Variants in ADCY1 observed in about 807,000 individuals in gnomAD.
ADCY1 encodes adenylate cyclase 1, also known as adenylate cyclase type 1.
ADCY1 carries 28 observed loss-of-function variants against 105.4 expected under a neutral mutation model. The ratio of observed to expected loss-of-function variants is 0.27; its 90% CI spans 0.20 to 0.36. The LOEUF (loss-of-function observed/expected upper bound fraction) is 0.36. Among genes scored for constraint, ADCY1 ranks in the 10% least tolerant of loss-of-function variants. ADCY1 has a pLI of 1.00. For synonymous variants in ADCY1, 655 were observed against 623.8 expected, an observed-to-expected ratio of 1.05 and a Z score of -0.75; for missense variants, 977 against 1,434.2, an observed-to-expected ratio of 0.68 and a Z score of 5.15.
chr7:45,592,053 G>GTTT (rs202112937), intron 1 of ADCY1, among the ~76,000 whole-genome samples: 1 of 141,558 alleles, frequency 7.1e-6, no homozygotes, highest in Non-Finnish European at 1.6e-5. Flanking sequence ...TTCGTTTTTT[G>GTTT]TTTTTTTTTT....
intron 4 of ADCY1, among the ~76,000 whole-genome samples, chr7:45,635,603 T>G (rs1387665597): frequency 1.6e-5 from 2 of 125,380 alleles, no homozygotes; most frequent in Non-Finnish European, 3.4e-5. Flanking sequence ...TTTCTCTTGT[T>G]TTTTTTTTTT....
In ADCY1 at chr7:45,592,810, G is replaced by T; in HGVS notation, c.691G>T (p.Val231Leu). 1 of 1,614,218 alleles carries T rather than the reference G, an allele frequency of 6.2e-7. No homozygotes were observed. Among genetic ancestry groups the T allele is most frequent in the Non-Finnish European group, 8.5e-7 (1 of 1,180,044 alleles). ...CGGTGTGAACATGTATGGGGTCTTT[G>T]TGCGGATTCTGACTGAGCGTTCACA... ...FVGVNMYGVF[V>L]RILTERSQRK... The change falls in exon 2 of 20, where the codon GTG becomes TTG. Residue 231 changes from valine to leucine, a missense_variant. Val to Leu is a conservative substitution (Grantham distance 32, BLOSUM62 1). Transcript: ENST00000297323.
chr7:45,713,366 G>C (rs1785302104), intron 19 of ADCY1, among the ~76,000 whole-genome samples: 1 of 152,154 alleles, frequency 6.6e-6, no homozygotes, highest in South Asian at 2.1e-4. Flanking sequence ...GTGCTTCCTG[G>C]GCCACCCTTT....
intron 3 of ADCY1, among the ~76,000 whole-genome samples, chr7:45,616,966 A>G (rs1423705241): frequency 1.3e-5 from 2 of 152,214 alleles, no homozygotes; most frequent in Non-Finnish European, 1.5e-5. Flanking sequence ...AGGTGATGGT[A>G]GGGCACCTTG....
At position 45,622,731 on chromosome 7, in the gene ADCY1, T is replaced by G; in HGVS notation, c.1008T>G (p.Asp336Glu). 1 of 1,610,404 alleles carries G rather than the reference T, an allele frequency of 6.2e-7. No homozygotes were observed. The highest frequency in any genetic ancestry group is 1.6e-4 in the Middle Eastern group (1 of 6,062). Residue 336 changes from aspartate (D) to glutamate (E), a missense_variant, in exon 4 of 20, where the codon GAT becomes GAG. Physicochemically the swap from Asp to Glu is conservative, Grantham distance 45 (BLOSUM62 2). This residue lies in a region of ADCY1 where 196 missense variants were observed against 347.8 expected (regional missense o/e 0.56). Coordinates refer to ENST00000297323, the MANE Select transcript of ADCY1 (RefSeq NM_021116.4). Reference protein sequence around the residue: ...KLLNELFGKFDELATENHCRR... With the variant: ...KLLNELFGKFEELATENHCRR... ...TCAATGAGCTCTTCGGCAAGTTCGA[T>G]GAATTAGCCACGGTAAGTGCAGCGT... is the stretch of plus-strand genomic sequence containing the variant.
At chr7:45,628,367 G>T (rs1794125960) in intron 4 of ADCY1, among the ~76,000 whole-genome samples, 1 of 152,184 alleles carries the variant, frequency 6.6e-6, no homozygotes, top group South Asian at 2.1e-4. Flanking sequence ...CCATGCTCCT[G>T]CCCATGCTCT....
intron 3 of ADCY1, among the ~76,000 whole-genome samples, chr7:45,617,271 C>T (rs963903148): frequency 6.6e-6 from 1 of 152,324 alleles, no homozygotes; most frequent in South Asian, 2.1e-4. Flanking sequence ...TCTGTAGCCA[C>T]TGGCACTGGG....
chr7:45,656,561 G>A (rs1794950016), intron 5 of ADCY1, among the ~76,000 whole-genome samples: 1 of 152,160 alleles, frequency 6.6e-6, no homozygotes, highest in Admixed American at 6.5e-5. Flanking sequence ...ATGGGCAGCT[G>A]GCAAGGGTTT....
intron 4 of ADCY1, among the ~76,000 whole-genome samples, chr7:45,623,969 T>C (rs1222875044): frequency 2.6e-5 from 4 of 152,176 alleles, no homozygotes; most frequent in Non-Finnish European, 5.9e-5. Flanking sequence ...TCACCTCTTG[T>C]CTAGCCTCAC....
chr7:45,682,782 G>A (rs1784586521), intron 11 of ADCY1, among the ~76,000 whole-genome samples: 1 of 152,166 alleles, frequency 6.6e-6, no homozygotes, highest in Non-Finnish European at 1.5e-5. Context: ...AGGTGTGGAA[G>A]GTGGTAGGTG....
At chr7:45,704,897 G>A (rs549685669) in intron 17 of ADCY1, among the ~76,000 whole-genome samples, 73 of 143,660 alleles carry the variant, frequency 5.1e-4, no homozygotes, top group African/African-American at 1.7e-3. Flanking sequence ...ATTACCTCCC[G>A]CACTGGCCCA....
chr7:45,592,646 G>T, intron 1 of ADCY1, 113 bp from the exon 2 acceptor site: 2 of 1,462,774 alleles, frequency 1.4e-6, no homozygotes, highest in Non-Finnish European at 1.9e-6. Context: ...TGTGGGTTTG[G>T]CCCGGGCGGC....
At chr7:45,631,040 A>T (rs985821234) in intron 4 of ADCY1, among the ~76,000 whole-genome samples, 1 of 152,218 alleles carries the variant, frequency 6.6e-6, no homozygotes, top group Non-Finnish European at 1.5e-5. Context: ...GGAAAGTAAA[A>T]TAATAAAAGG....
At chr7:45,642,534 C>T (rs1197911234) in intron 4 of ADCY1, among the ~76,000 whole-genome samples, 1 of 152,146 alleles carries the variant, frequency 6.6e-6, no homozygotes, top group East Asian at 1.9e-4. Context: ...CTCCTCCTGC[C>T]CACTTGTTGG....
At chr7:45,611,429 G>A (rs1029433610) in intron 3 of ADCY1, among the ~76,000 whole-genome samples, 3 of 152,112 alleles carry the variant, frequency 2.0e-5, no homozygotes, top group African/African-American at 4.8e-5. Context: ...GCTTTGAGCA[G>A]TGACATTTTG....
At chr7:45,664,516 G>A in intron 8 of ADCY1, 1 of 1,375,278 alleles carries the variant, frequency 7.3e-7, no homozygotes, top group Non-Finnish European at 9.4e-7. Flanking sequence ...ATTGATTATG[G>A]AAAATATGGA....
chr7:45,682,160 C>T (rs1784570989), intron 11 of ADCY1, among the ~76,000 whole-genome samples: 1 of 152,170 alleles, frequency 6.6e-6, no homozygotes, highest in Non-Finnish European at 1.5e-5. Flanking sequence ...TGGCACAGCA[C>T]ACGCTCAGTT....
intron 2 of ADCY1, among the ~76,000 whole-genome samples, chr7:45,606,080 T>C (rs1753172582): frequency 6.6e-6 from 1 of 152,208 alleles, no homozygotes; most frequent in South Asian, 2.1e-4. Flanking sequence ...GGCTCCTTCT[T>C]ACTGCTGGGC....
chr7:45,618,897 A>C (rs543237748), intron 3 of ADCY1, among the ~76,000 whole-genome samples: 4 of 152,314 alleles, frequency 2.6e-5, no homozygotes, highest in African/African-American at 9.6e-5. Flanking sequence ...AGTATGTCAA[A>C]GAGATATGTG....
Sources: allele counts gnomAD v4.1 joint callset (sites outside exome capture counted in the v4.1 genomes callset), GRCh38; gene constraint gnomAD v4.1.1; regional missense constraint gnomAD v4.1.1; transcripts MANE v1.5; gene names NCBI Gene and HGNC (gene_info 2026-07-23, HGNC 2026-07-21).